RSU1: variants seen among roughly 807,000 people sequenced by gnomAD.
RSU1 encodes Ras suppressor protein 1.
In RSU1, 26 loss-of-function variants were observed where a neutral mutation model predicts 31.1. The observed-to-expected ratio is 0.84, with a 90% CI of 0.61 to 1.16. The LOEUF is 1.16. Ranked by LOEUF, RSU1 falls within the 50% of genes most tolerant of loss-of-function variation. RSU1 has a pLI of 0.00. For synonymous variants in RSU1, 164 were observed against 136.3 expected, an observed-to-expected ratio of 1.20 and a Z score of -1.41; for missense variants, 320 against 339.1, an observed-to-expected ratio of 0.94 and a Z score of 0.44.
rs1171721181 is a variant in RSU1 at position 16,591,268 on chromosome 10, T to G, written c.*2126A>C. ...CTCATGCAGACACACCGTAATTCAT[T>G]GAACCCCTTTTCCACTGACAGGGAT... On this transcript the variant is annotated 3_prime_UTR_variant, in exon 9 of 9. Transcript: ENST00000345264. 1.3e-5 allele frequency: 2 copies of G among 152,196 alleles called. No individual in the cohort carries two copies. Among genetic ancestry groups the G allele is most frequent in the African/African-American group, 4.8e-5 (2 of 41,448 alleles). 9.4% of individuals were successfully genotyped at this position (152,196 alleles called of 1,614,324 possible).
At chr10:16,726,575 C>T (rs1175203196) in intron 7 of RSU1, among the ~76,000 whole-genome samples, 2 of 152,072 alleles carry the variant, frequency 1.3e-5, no homozygotes, top group African/African-American at 4.8e-5. Context: ...AAGAACGTAT[C>T]TTGAATGATG....
At chr10:16,683,467 C>G (rs987156151) in intron 8 of RSU1, among the ~76,000 whole-genome samples, 30 of 152,280 alleles carry the variant, frequency 2.0e-4, no homozygotes, top group African/African-American at 6.7e-4. Flanking sequence ...TGTAAATCAT[C>G]TCATTGGGAA....
At chr10:16,616,470 T>C (rs986185670) in intron 8 of RSU1, among the ~76,000 whole-genome samples, 1 of 151,514 alleles carries the variant, frequency 6.6e-6, no homozygotes, top group Non-Finnish European at 1.5e-5. Flanking sequence ...TCTGAAATGA[T>C]TCCAAATAAT....
At chr10:16,751,075 C>T (rs1651136381) in intron 7 of RSU1, among the ~76,000 whole-genome samples, 1 of 152,126 alleles carries the variant, frequency 6.6e-6, no homozygotes, top group Admixed American at 6.6e-5. Context: ...CCATGTTGCA[C>T]AGGCTGGTCT....
chr10:16,641,029 T>C (rs1338382440), intron 8 of RSU1, among the ~76,000 whole-genome samples: 2 of 152,200 alleles, frequency 1.3e-5, no homozygotes, highest in Non-Finnish European at 2.9e-5. Flanking sequence ...AGGCTCTACG[T>C]CAGGAAAACT....
intron 7 of RSU1, chr10:16,721,203 G>T (rs963154014): frequency 6.6e-6 from 1 of 152,150 alleles, no homozygotes. Context: ...AGTGTAGAGA[G>T]AACAGTGAAG....
chr10:16,730,656 A>G (rs561298034), intron 7 of RSU1, among the ~76,000 whole-genome samples: 2 of 152,362 alleles, frequency 1.3e-5, no homozygotes, highest in African/African-American at 4.8e-5. Context: ...TACTTGATAT[A>G]ATCTATAAAG....
intron 7 of RSU1, among the ~76,000 whole-genome samples, chr10:16,704,200 G>T (rs1405376698): frequency 6.6e-6 from 1 of 152,086 alleles, no homozygotes; most frequent in African/African-American, 2.4e-5. Context: ...GTTCTACAAA[G>T]GATAAAAACC....
At chr10:16,736,870 C>G (rs1053057756) in intron 7 of RSU1, among the ~76,000 whole-genome samples, 1 of 151,994 alleles carries the variant, frequency 6.6e-6, no homozygotes, top group Admixed American at 6.6e-5. Context: ...CTATACCTTG[C>G]ATACACTTGG....
intron 7 of RSU1, among the ~76,000 whole-genome samples, chr10:16,722,066 G>C (rs1347370941): frequency 6.6e-6 from 1 of 152,146 alleles, no homozygotes; most frequent in East Asian, 1.9e-4. Flanking sequence ...AAAAATAGTT[G>C]AGTCCAGTAT....
At chr10:16,699,140 G>A (rs181510388) in intron 7 of RSU1, among the ~76,000 whole-genome samples, 271 of 152,322 alleles carry the variant, frequency 1.8e-3, no homozygotes, top group Middle Eastern at 3.4e-3. Flanking sequence ...TATTATAAAT[G>A]ACAGAAATGG....
At chr10:16,807,436 G>C (rs1460488343) in intron 2 of RSU1, among the ~76,000 whole-genome samples, 1 of 152,120 alleles carries the variant, frequency 6.6e-6, no homozygotes, top group Non-Finnish European at 1.5e-5. Flanking sequence ...ATCTTTTCCA[G>C]CCCCATACTT....
At chr10:16,804,557 A>G (rs948072854) in intron 2 of RSU1, among the ~76,000 whole-genome samples, 1 of 152,252 alleles carries the variant, frequency 6.6e-6, no homozygotes, top group East Asian at 1.9e-4. Flanking sequence ...CAAAGTTGGA[A>G]GCTGCCAAAA....
rs187699190 is a variant in RSU1 at position 16,652,247 on chromosome 10, T to A, written c.731+42776A>T. Reference sequence around the variant, plus strand: ...TAATAAACAAAACAAAACGAAAAACTGGAAAATTCTCATAGAAAAAGAAAG... The same window carrying A: ...TAATAAACAAAACAAAACGAAAAACAGGAAAATTCTCATAGAAAAAGAAAG... On this transcript the variant is annotated intron_variant, in intron 8 of 8. Coordinates refer to ENST00000345264, the MANE Select transcript of RSU1 (RefSeq NM_012425.4). Among the ~76,000 whole-genome samples, 132 of 151,918 alleles carry A rather than the reference T, an allele frequency of 8.7e-4. 1 individual carries two copies. The South Asian group carries it at 0.014, about 16-fold the overall frequency.
chr10:16,813,084 A>G (rs2131281215), intron 2 of RSU1, among the ~76,000 whole-genome samples: 1 of 151,296 alleles, frequency 6.6e-6, no homozygotes, highest in South Asian at 2.1e-4. Flanking sequence ...CAATCCTCCC[A>G]CCGCAGCCTC....
chr10:16,713,331 A>G (rs1836061674), intron 7 of RSU1, among the ~76,000 whole-genome samples: 2 of 152,144 alleles, frequency 1.3e-5, no homozygotes, highest in African/African-American at 2.4e-5. Flanking sequence ...AGTTCCTATA[A>G]TGCACACATT....
chr10:16,760,712 C>T (rs1289304062), intron 4 of RSU1, among the ~76,000 whole-genome samples: 2 of 152,044 alleles, frequency 1.3e-5, no homozygotes, highest in South Asian at 2.1e-4. Flanking sequence ...TGTCTGTCAA[C>T]GTTACCGCCT....
chr10:16,614,552 T>A (rs1034048104), intron 8 of RSU1, among the ~76,000 whole-genome samples: 2 of 152,082 alleles, frequency 1.3e-5, no homozygotes, highest in African/African-American at 4.8e-5. Flanking sequence ...AAAGGATAGA[T>A]ACCCAATATA....
chr10:16,695,157 T>TTGG lies in RSU1; in HGVS notation c.599-3_599-2insCCA, dbSNP rs1554767081. The TTGG allele has an allele frequency of 2.4e-5, 29 of 1,204,624 alleles. No individual in the cohort carries two copies. Among genetic ancestry groups the TTGG allele is most frequent in the Non-Finnish European group, 2.6e-5 (23 of 891,556 alleles). 74.6% of individuals were successfully genotyped at this position (1,204,624 alleles called of 1,614,324 possible). A position where few individuals can be genotyped will look rare whatever the true frequency, so the allele number is the denominator to read the frequency against. On this transcript the variant is annotated splice_polypyrimidine_tract_variant and splice_region_variant and intron_variant, in intron 7 of 8. Coordinates refer to ENST00000345264, the MANE Select transcript of RSU1 (RefSeq NM_012425.4). ...TCTGGCCAGTTAAATCCAAGTTTCC[T>TTGG]GGGGGGGGGGAAAAAAAAAGTGAAG... is the stretch of plus-strand genomic sequence containing the variant.
Sources: allele counts gnomAD v4.1 joint callset (sites outside exome capture counted in the v4.1 genomes callset), GRCh38; gene constraint gnomAD v4.1.1; transcripts MANE v1.5; gene names NCBI Gene and HGNC (gene_info 2026-07-23, HGNC 2026-07-21).